Variants in DLG5 observed in about 807,000 individuals in gnomAD.
DLG5 encodes disks large homolog 5.
Under a neutral mutation model 189.8 loss-of-function variants are expected in DLG5, and 48 were observed. That is an observed-to-expected ratio of 0.25 (90% CI 0.20 to 0.32). DLG5 has a LOEUF of 0.32. DLG5 is among the 10% of genes least tolerant of loss of function. The pLI, the probability that DLG5 is intolerant of heterozygous loss-of-function variation, is 1.00. For synonymous variants in DLG5, 1,016 were observed against 1,054.1 expected (o/e 0.96, Z 0.70); for missense variants, 2,160 against 2,544.7 (o/e 0.85, Z 3.25).
At chr10:77,805,055 C>T (rs1440440629) in intron 27 of DLG5, among the ~76,000 whole-genome samples, 2 of 152,232 alleles carry the variant, frequency 1.3e-5, no homozygotes, top group East Asian at 1.9e-4. Flanking sequence ...ACTGCACCTC[C>T]GCCTCCTGGG....
At chr10:77,844,759 T>C (rs531807637) in intron 5 of DLG5, among the ~76,000 whole-genome samples, 9 of 152,298 alleles carry the variant, frequency 5.9e-5, no homozygotes, top group African/African-American at 2.2e-4. Context: ...GAGAGAGCCA[T>C]CTGAGCAGCA....
At chr10:77,839,479 C>G (rs1334867513) in intron 7 of DLG5, among the ~76,000 whole-genome samples, 1 of 151,750 alleles carries the variant, frequency 6.6e-6, no homozygotes, top group African/African-American at 2.4e-5. Flanking sequence ...CCAGCCTGGG[C>G]AAAAGAGGGA....
At chr10:77,918,394 AGAGT>A (rs1030824392) in intron 1 of DLG5, among the ~76,000 whole-genome samples, 1 of 152,180 alleles carries the variant, frequency 6.6e-6, no homozygotes, top group African/African-American at 2.4e-5. Flanking sequence ...CCTAGGTGAC[AGAGT>A]GAGACTCTGT....
At chr10:77,802,975 G>C (rs533097256) in intron 27 of DLG5, among the ~76,000 whole-genome samples, 1 of 152,308 alleles carries the variant, frequency 6.6e-6, no homozygotes, top group South Asian at 2.1e-4. Flanking sequence ...TTAGTGGTTT[G>C]ATGTCTTAGA....
At position 77,856,385 on chromosome 10, in the gene DLG5, CAATT is replaced by C. The variant is rs570623044; in HGVS notation, c.536+341_536+344del. Among the ~76,000 whole-genome samples the C allele has an allele frequency of 1.9e-4, 29 of 152,044 alleles. 1 individual carries two copies. In the South Asian group the frequency reaches 5.8e-3, roughly 30 times the overall value. On this transcript the variant is annotated intron_variant, in intron 3 of 31. Transcript: ENST00000372391. ...AATAAAACACATGTGTGACAGGGAA[CAATT>C]AATATGTTTACCAACCACATAAAGC... is the stretch of plus-strand genomic sequence containing the variant.
chr10:77,909,985 G>A (rs774900688), intron 1 of DLG5, among the ~76,000 whole-genome samples: 2 of 152,040 alleles, frequency 1.3e-5, no homozygotes, highest in Admixed American at 6.6e-5. Context: ...AAGAAGCCAC[G>A]GCAGCCAGCA....
intron 29 of DLG5, 91 bp downstream of exon 29, chr10:77,795,970 C>T: frequency 2.5e-6 from 4 of 1,588,308 alleles, no homozygotes; most frequent in Non-Finnish European, 3.4e-6. Context: ...GTCTGAGCCG[C>T]TGGGGCAGAG....
At chr10:77,910,096 G>A (rs937182617) in intron 1 of DLG5, among the ~76,000 whole-genome samples, 4 of 152,170 alleles carry the variant, frequency 2.6e-5, no homozygotes, top group East Asian at 1.9e-4. Context: ...CACGTCCTAC[G>A]TCTACATCCA....
chr10:77,929,314 T>C (rs1846765888), upstream of DLG5: 1 of 152,156 alleles, frequency 6.6e-6, no homozygotes, highest in Non-Finnish European at 1.5e-5. Context: ...AGTTCTGGAA[T>C]TACAGATGTT....
At chr10:77,829,123 C>A in intron 12 of DLG5, 138 bp from the exon 13 acceptor site, 6 of 1,038,612 alleles carry the variant, frequency 5.8e-6, no homozygotes, top group Non-Finnish European at 8.4e-6. Context: ...GCACCCTGCC[C>A]CAGTCCCACC....
chr10:77,858,432 T>A (rs935134542), intron 2 of DLG5, among the ~76,000 whole-genome samples: 1 of 152,090 alleles, frequency 6.6e-6, no homozygotes, highest in Non-Finnish European at 1.5e-5. Context: ...CTCAGGAGTT[T>A]GAGACCAGCC....
At chr10:77,866,137 G>A (rs191807605) in intron 2 of DLG5, among the ~76,000 whole-genome samples, 108 of 152,284 alleles carry the variant, frequency 7.1e-4, no homozygotes, top group African/African-American at 2.5e-3. Flanking sequence ...CTCATCAGGT[G>A]TGGCTGAGCC....
At position 77,797,320 on chromosome 10, in the gene DLG5, C is replaced by G. The variant is rs555581881; in HGVS notation, c.5165-726G>C. On this transcript the variant is annotated intron_variant, in intron 27 of 31. Transcript: ENST00000372391. ...TAAAGTCCTTGCAGGGAGACACAGT[C>G]TAAAACCCAGCAAGATCTTCCTGGC... Among the ~76,000 whole-genome samples, 4 of 152,354 alleles carry G rather than the reference C, an allele frequency of 2.6e-5. No homozygotes were observed. In the East Asian group the frequency reaches 7.7e-4, roughly 29 times the overall value.
At chr10:77,915,144 G>A (rs984387879) in intron 1 of DLG5, among the ~76,000 whole-genome samples, 1 of 151,922 alleles carries the variant, frequency 6.6e-6, no homozygotes, top group Non-Finnish European at 1.5e-5. Flanking sequence ...CTGGCCAAGA[G>A]AGTGAAACCC....
chr10:77,840,770 C>T (rs1463895488), intron 7 of DLG5, among the ~76,000 whole-genome samples: 3 of 152,118 alleles, frequency 2.0e-5, no homozygotes, highest in Non-Finnish European at 2.9e-5. Context: ...GACCACATGA[C>T]TGAGGAGGGC....
intron 1 of DLG5, among the ~76,000 whole-genome samples, chr10:77,869,953 T>C (rs1844834130): frequency 1.3e-5 from 2 of 152,168 alleles, no homozygotes; most frequent in East Asian, 3.9e-4. Context: ...GAACTCTGTT[T>C]CCTGGTCTGC....
At chr10:77,895,789 C>G (rs1845740823) in intron 1 of DLG5, among the ~76,000 whole-genome samples, 1 of 152,136 alleles carries the variant, frequency 6.6e-6, no homozygotes, top group African/African-American at 2.4e-5. Context: ...GCAGGCGGAT[C>G]ACTTGAGGTC....
intron 1 of DLG5, among the ~76,000 whole-genome samples, chr10:77,876,938 G>C (rs1243170900): frequency 1.3e-5 from 2 of 150,748 alleles, no homozygotes; most frequent in Non-Finnish European, 3.0e-5. Context: ...TTGTTGCCCA[G>C]GCTGGTCTCA....
At chr10:77,915,534 C>T (rs1846334500) in intron 1 of DLG5, among the ~76,000 whole-genome samples, 1 of 152,210 alleles carries the variant, frequency 6.6e-6, no homozygotes, top group Non-Finnish European at 1.5e-5. Flanking sequence ...GGAAACACTG[C>T]CTAATAAAGC....
Sources: allele counts gnomAD v4.1 joint callset (sites outside exome capture counted in the v4.1 genomes callset), GRCh38; gene constraint gnomAD v4.1.1; transcripts MANE v1.5; gene names NCBI Gene and HGNC (gene_info 2026-07-23, HGNC 2026-07-21).